TPRG1: variants seen among roughly 807,000 people sequenced by gnomAD.
TPRG1 encodes tumor protein p63 regulated 1.
A neutral mutation model predicts 29.3 loss-of-function variants in TPRG1; 29 were observed. That is an observed-to-expected ratio of 0.99 (90% confidence interval 0.74 to 1.35). TPRG1 has a LOEUF of 1.35. TPRG1 is among the 40% of genes most tolerant of loss of function. The pLI, the probability that TPRG1 is intolerant of heterozygous loss-of-function variation, is 0.00. For missense variants in TPRG1, 327 were observed against 335.0 expected, an observed-to-expected ratio of 0.98 and a Z score of 0.19; for synonymous variants, 130 against 116.8, an observed-to-expected ratio of 1.11 and a Z score of -0.73.
At chr3:189,291,377 C>T (rs1284700461) in intron 4 of TPRG1, among the ~76,000 whole-genome samples, 1 of 152,130 alleles carries the variant, frequency 6.6e-6, no homozygotes, top group East Asian at 1.9e-4. Flanking sequence ...TTAATGGAGT[C>T]TCTTTTATCT....
At chr3:189,082,749 C>T (rs1338076547) in intron 4 of TPRG1, among the ~76,000 whole-genome samples, 1 of 152,182 alleles carries the variant, frequency 6.6e-6, no homozygotes, top group African/African-American at 2.4e-5. Flanking sequence ...ATAAATGCAG[C>T]TGTAGCAGCC....
chr3:189,119,725 A>G (rs1321545967), intron 1 of TPRG1, among the ~76,000 whole-genome samples: 1 of 152,208 alleles, frequency 6.6e-6, no homozygotes, highest in Non-Finnish European at 1.5e-5. Context: ...GAAGAAGGAC[A>G]TGTTTGCTTC....
At chr3:189,067,914 A>C (rs1046840744) in intron 4 of TPRG1, among the ~76,000 whole-genome samples, 3 of 152,234 alleles carry the variant, frequency 2.0e-5, no homozygotes, top group Non-Finnish European at 4.4e-5. Context: ...TTTGCAATCT[A>C]TCTGGCTGAC....
At chr3:189,031,702 G>C (rs1713943403) in intron 4 of TPRG1, among the ~76,000 whole-genome samples, 1 of 152,170 alleles carries the variant, frequency 6.6e-6, no homozygotes, top group South Asian at 2.1e-4. Context: ...GAGACGGTTG[G>C]TGATTCACTC....
intron 5 of TPRG1, among the ~76,000 whole-genome samples, chr3:189,152,800 A>AC (rs1726139589): frequency 1.1e-5 from 1 of 93,586 alleles, no homozygotes; most frequent in African/African-American, 3.4e-5. Flanking sequence ...TAGGATTGCT[A>AC]CCTGCCATTA....
intron 4 of TPRG1, among the ~76,000 whole-genome samples, chr3:189,074,199 C>CTTTTTTT (rs554150288): frequency 1.3e-4 from 9 of 68,078 alleles, no homozygotes; most frequent in Admixed American, 1.8e-4. Flanking sequence ...AATTATTTTC[C>CTTTTTTT]TTTTTTTTTT....
intron 1 of TPRG1, chr3:189,207,084 T>C (rs1355421536): frequency 2.7e-6 from 2 of 727,572 alleles, no homozygotes; most frequent in East Asian, 2.6e-4. Context: ...CTGGTAATTA[T>C]TTTATATAGC....
chr3:189,195,821 G>A (rs770541158), intron 1 of TPRG1, among the ~76,000 whole-genome samples: 7 of 152,196 alleles, frequency 4.6e-5, no homozygotes, highest in Non-Finnish European at 8.8e-5. Context: ...GGATGGAGTG[G>A]TAGAGGCCTG....
chr3:189,073,555 T>G (rs1359590268), intron 4 of TPRG1, among the ~76,000 whole-genome samples: 1 of 152,224 alleles, frequency 6.6e-6, no homozygotes, highest in Non-Finnish European at 1.5e-5. Flanking sequence ...TATGTTCATT[T>G]TTTTCTGTTT....
At position 189,163,635 on chromosome 3, in the gene TPRG1, C is replaced by T. The variant is rs113843614; in HGVS notation, c.-10+12763C>T. 2.6e-3 allele frequency among the ~76,000 whole-genome samples: 394 copies of T among 152,208 alleles called. 3 individuals are homozygous for T. The highest frequency in any genetic ancestry group is 6.8e-3 in the Middle Eastern group (2 of 294). On this transcript the variant is annotated intron_variant, in intron 5 of 6. Coordinates refer to the TPRG1 transcript ENST00000412373. ...AACAAGTTTCCTTGAAAAGGAAATA[C>T]GGGACTGAAGTTAAAATTAAAGATA...
chr3:189,264,575 A>T (rs141022513), intron 4 of TPRG1, among the ~76,000 whole-genome samples: 1 of 152,030 alleles, frequency 6.6e-6, no homozygotes, highest in Non-Finnish European at 1.5e-5. Flanking sequence ...TATTAAAAAG[A>T]TTCAGCATGG....
At chr3:189,130,859 T>C (rs1043549353) in intron 2 of TPRG1, among the ~76,000 whole-genome samples, 55 of 152,212 alleles carry the variant, frequency 3.6e-4, no homozygotes, top group Non-Finnish European at 7.3e-5. Flanking sequence ...GAGTTTGAGA[T>C]GCAGGGAATG....
chr3:189,254,828 A>G (rs189166005), intron 4 of TPRG1, among the ~76,000 whole-genome samples: 5 of 152,000 alleles, frequency 3.3e-5, no homozygotes, highest in Admixed American at 2.6e-4. Context: ...CTGTATGTCT[A>G]TTATTGGCGT....
intron 1 of TPRG1, among the ~76,000 whole-genome samples, chr3:189,174,828 A>T (rs775305794): frequency 1.3e-5 from 2 of 152,210 alleles, no homozygotes; most frequent in Non-Finnish European, 2.9e-5. Context: ...GACAGTTGAT[A>T]CTTGCAGGGT....
chr3:189,023,003 G>A (rs565325111), intron 3 of TPRG1, among the ~76,000 whole-genome samples: 6 of 152,298 alleles, frequency 3.9e-5, no homozygotes, highest in African/African-American at 7.2e-5. Context: ...GGTGCCGTCC[G>A]TCACCCCTTT....
intron 3 of TPRG1, among the ~76,000 whole-genome samples, chr3:189,139,543 G>T (rs557044752): frequency 3.9e-5 from 6 of 152,066 alleles, no homozygotes; most frequent in Admixed American, 6.5e-5. Context: ...AGCCGAGCTC[G>T]TATTCATAAT....
chr3:189,265,057 A>G (rs1244993503), intron 4 of TPRG1, among the ~76,000 whole-genome samples: 1 of 152,236 alleles, frequency 6.6e-6, no homozygotes, highest in Non-Finnish European at 1.5e-5. Flanking sequence ...AAAATTTGAA[A>G]TGTATGAATC....
At chr3:189,134,125 T>C (rs1378442236) in intron 3 of TPRG1, among the ~76,000 whole-genome samples, 22 of 152,140 alleles carry the variant, frequency 1.4e-4, no homozygotes, top group Admixed American at 1.4e-3. Flanking sequence ...TCTTTGAAAG[T>C]AGTGACACCA....
chr3:189,011,429 A>G (rs1327121953), intron 3 of TPRG1, among the ~76,000 whole-genome samples: 1 of 152,162 alleles, frequency 6.6e-6, no homozygotes, highest in Non-Finnish European at 1.5e-5. Context: ...GACATATTCG[A>G]GAATGGGCAA....
Sources: allele counts gnomAD v4.1 joint callset (sites outside exome capture counted in the v4.1 genomes callset), GRCh38; gene constraint gnomAD v4.1.1; transcripts MANE v1.5; gene names NCBI Gene and HGNC (gene_info 2026-07-23, HGNC 2026-07-21).